ZNF142: variants seen among roughly 807,000 people sequenced by gnomAD.
ZNF142 encodes the protein zinc finger protein 142 (clone pHZ-49).
In ZNF142, 96 loss-of-function variants were observed where a neutral mutation model predicts 132.1. The ratio of observed to expected loss-of-function variants is 0.73; its 90% confidence interval spans 0.62 to 0.86. ZNF142 has a LOEUF of 0.86. ZNF142 is among the 40% of genes least tolerant of loss of function. The pLI is 0.00. For missense variants in ZNF142, 2,163 were observed against 2,336.2 expected, an observed-to-expected ratio of 0.93 and a Z score of 1.53; for synonymous variants, 842 against 890.1, an observed-to-expected ratio of 0.95 and a Z score of 0.96.
At chr2:218,654,629 T>C (rs796189295) in intron 4 of ZNF142, among the ~76,000 whole-genome samples, 115 of 152,216 alleles carry the variant, frequency 7.6e-4, no homozygotes, top group African/African-American at 2.6e-3. Flanking sequence ...CCTCCCAAAG[T>C]GCTAGGATTA....
chr2:218,648,397 C>T lies in ZNF142; in HGVS notation c.1873+238G>A, dbSNP rs75433731. On this transcript the variant is annotated intron_variant, in intron 7 of 10. Coordinates refer to ENST00000411696, the MANE Select transcript of ZNF142 (RefSeq NM_001379659.1). ...ACTGGACAAGGGCTTAAGAGCGAGG[C>T]ACAGCACCACAGTGGTTAGAGCACA... Among the ~76,000 whole-genome samples, 3,570 of 152,324 alleles carry T rather than the reference C, an allele frequency of 0.023. 145 individuals carry two copies. The highest frequency in any genetic ancestry group is 0.079 in the African/African-American group (3,262 of 41,540).
rs1696843168 is a variant in ZNF142, at chr2:218,637,725, G to A, written c.*614C>T. ...GTAGACAAAGGAGCTTGGAAGTAGGGAGCAGGTCAAGGGTCAAGATGGCTC... is the reference window on the plus strand; with the variant it reads ...GTAGACAAAGGAGCTTGGAAGTAGGAAGCAGGTCAAGGGTCAAGATGGCTC... On this transcript the variant is annotated 3_prime_UTR_variant, in exon 11 of 11. Transcript: ENST00000411696. Among the ~76,000 whole-genome samples the A allele has an allele frequency of 6.6e-6, 1 of 152,180 alleles. No homozygotes were observed. The highest frequency in any genetic ancestry group is 6.6e-5 in the Admixed American group (1 of 15,266).
intron 3 of ZNF142, among the ~76,000 whole-genome samples, chr2:218,656,934 C>T (rs1465104388): frequency 2.0e-5 from 3 of 151,724 alleles, no homozygotes; most frequent in African/African-American, 7.3e-5. Context: ...TCTCCTGTCT[C>T]AGCCTCCCCA....
At position 218,633,871 on chromosome 2, in the gene ZNF142, AAGG is replaced by A. The variant is rs1696542166; in HGVS notation, c.*4465_*4467del. The A allele has an allele frequency of 1.4e-6, 2 of 1,385,092 alleles. No homozygotes were observed. Among genetic ancestry groups the A allele is most frequent in the Non-Finnish European group, 2.0e-6 (2 of 1,002,662 alleles). The allele number at this position is 1,385,092 out of a possible 1,614,324, so 85.8% of individuals were successfully genotyped here. On this transcript the variant is annotated 3_prime_UTR_variant, in exon 11 of 11. Transcript: ENST00000411696. ...AAGACAAGGTAGCTAAGGAGAGATG[AAGG>A]AGTTCAGAAACTCCTTAGAGCAGAC...
Position 218,633,467 on chromosome 2 carries a change from C to T in ZNF142, c.*4872G>A, listed in dbSNP as rs1559276950. On this transcript the variant is annotated 3_prime_UTR_variant, in exon 11 of 11. Transcript: ENST00000411696. ...TCCTATTTCCAAGCCTGAGTCCCTTCTCTTGTCCCGGCAGGTGAGGCAGGA... is the reference window on the plus strand; with the variant it reads ...TCCTATTTCCAAGCCTGAGTCCCTTTTCTTGTCCCGGCAGGTGAGGCAGGA... 1.9e-6 allele frequency: 2 copies of T among 1,038,476 alleles called. No homozygotes were observed. Among genetic ancestry groups the T allele is most frequent in the South Asian group, 1.3e-5 (1 of 75,432 alleles). The allele number at this position is 1,038,476 out of a possible 1,614,324, so 64.3% of individuals were successfully genotyped here. A position where few individuals can be genotyped will look rare whatever the true frequency, so the allele number is the denominator to read the frequency against.
chr2:218,648,711 C>G lies in ZNF142; in HGVS notation c.1797G>C (p.Lys599Asn). Reference sequence around the variant, plus strand: ...AGTTGCACTCAGGACACTGGTGGATCTTTTCATGAGCATGCATCTTGCCTA... The same window carrying G: ...AGTTGCACTCAGGACACTGGTGGATGTTTTCATGAGCATGCATCTTGCCTA... ...DHVGKMHAHE[K>N]IHQCPECNFA... The change falls in exon 7 of 11, where the codon AAG becomes AAC. Residue 599 changes from lysine to asparagine, a missense_variant. Physicochemically the swap from Lys to Asn is moderately conservative, Grantham distance 94. Transcript: ENST00000411696. 6.2e-7 allele frequency: 1 copy of G among 1,614,230 alleles called. No homozygotes were observed. The highest frequency in any genetic ancestry group is 8.5e-7 in the Non-Finnish European group (1 of 1,180,048).
At chr2:218,650,329 C>G in intron 6 of ZNF142, 30 bp downstream of exon 6, 1 of 1,613,678 alleles carries the variant, frequency 6.2e-7, no homozygotes, top group Non-Finnish European at 8.5e-7. Flanking sequence ...TCCCCACCAC[C>G]AAGGGCTTCA....
chr2:218,645,095 C>T (rs758977226), intron 8 of ZNF142, 31 bp from the exon 9 acceptor site: 3 of 1,595,590 alleles, frequency 1.9e-6, no homozygotes, highest in South Asian at 2.2e-5. Flanking sequence ...GAGGCAATCA[C>T]AATAATTAAT....
rs1697616032 is a variant in ZNF142, at chr2:218,645,057, A to C, written c.2059T>G (p.Cys687Gly). Residue 687 changes from cysteine to glycine, a missense_variant, in exon 9 of 11, where the codon TGC becomes GGC. Around this residue, in one of 7 missense-constraint regions of ZNF142, gnomAD observed 749 missense variants for 830.3 expected, o/e 0.90. Transcript: ENST00000411696. ...RKHAGDLRYQ[C>G]NQCSYRCHRA... ...TGACAGCGATAGGAGCACTGGTTGCACTGATACCTGGCAAGGAGGGAAAGG... is the reference window on the plus strand; with the variant it reads ...TGACAGCGATAGGAGCACTGGTTGCCCTGATACCTGGCAAGGAGGGAAAGG... 2 of 1,606,384 alleles carry C rather than the reference A, an allele frequency of 1.2e-6. No homozygotes were observed. The highest frequency in any genetic ancestry group is 8.5e-7 in the Non-Finnish European group (1 of 1,173,970).
chr2:218,646,677 C>A (rs994451120), intron 7 of ZNF142, among the ~76,000 whole-genome samples: 1 of 152,120 alleles, frequency 6.6e-6, no homozygotes, highest in Non-Finnish European at 1.5e-5. Context: ...CTCGGCTGCC[C>A]GGGTTCAAGC....
In ZNF142 at chr2:218,643,929, G is replaced by A. The variant is rs776485696; in HGVS notation, c.3187C>T (p.Arg1063Ter). The part of the protein sequence containing the change: ...LHSRTGCQGR[R>*]EPLLCPECGA... ...CACTCGGGGCACAGCAGGGGCTCTC[G>A]GCGGCCTTGGCACCCAGTCCTGGAG... The change falls in exon 9 of 11, where the codon CGA becomes TGA. Residue 1063 changes from arginine to a stop codon, truncating the protein, a stop_gained. Transcript: ENST00000411696. LOFTEE classifies it high-confidence loss of function. 7 of 1,613,980 alleles carry A rather than the reference G, an allele frequency of 4.3e-6. No homozygotes were observed. Among genetic ancestry groups the A allele is most frequent in the Non-Finnish European group, 4.2e-6 (5 of 1,179,984 alleles).
intron 10 of ZNF142, 136 bp downstream of exon 10, chr2:218,640,528 C>T (rs1025854213): frequency 1.3e-5 from 10 of 744,016 alleles, no homozygotes; most frequent in Non-Finnish European, 2.3e-5. Context: ...CTGGCACATA[C>T]AACCCCACCC....
chr2:218,647,131 T>C (rs1697800463), intron 7 of ZNF142, among the ~76,000 whole-genome samples: 1 of 151,740 alleles, frequency 6.6e-6, no homozygotes, highest in Non-Finnish European at 1.5e-5. Flanking sequence ...TGTAAAAAAA[T>C]TCCTCCTCTC....
rs1441083699 is a variant in ZNF142, at chr2:218,642,716, T to A, written c.4400A>T (p.Tyr1467Phe). The change falls in exon 9 of 11, where the codon TAC becomes TTC. Residue 1467 changes from tyrosine to phenylalanine, a missense_variant. By Grantham distance (22) the Tyr-to-Phe change is conservative. Coordinates refer to ENST00000411696, the MANE Select transcript of ZNF142 (RefSeq NM_001379659.1). The surrounding 1 kb of genome is among the most constrained non-coding windows in gnomAD (Gnocchi z 4.6). Reference sequence around the variant, plus strand: ...ATGACGAGTGATGTCATGGCGAAGGTAGCCACTATAGTCACAAAGTGGACA... The same window carrying A: ...ATGACGAGTGATGTCATGGCGAAGGAAGCCACTATAGTCACAAAGTGGACA... ...HFCPLCDYSG[Y>F]LRHDITRHVN... The A allele has an allele frequency of 6.2e-7, 1 of 1,614,092 alleles. No homozygotes were observed. The highest frequency in any genetic ancestry group is 2.2e-5 in the East Asian group (1 of 44,884).
In ZNF142 at chr2:218,644,048, C is replaced by T. The variant is rs751085661; in HGVS notation, c.3068G>A (p.Arg1023Gln). The change falls in exon 9 of 11, where the codon CGG (arginine) becomes CAG (glutamine). Residue 1023 changes from arginine (R) to glutamine (Q), a missense_variant. By Grantham distance (43) the Arg-to-Gln change is conservative. Coordinates refer to ENST00000411696, the MANE Select transcript of ZNF142 (RefSeq NM_001379659.1). The surrounding 1 kb of genome is among the most constrained non-coding windows in gnomAD (Gnocchi z 4.6). ...TCCCTGGATCACTACCATCTGCACC[C>T]GCCCCTCTAGCACCAATGCCTCTGC... Reference protein sequence around the residue: ...EQAEALVLEGRVQMVVIQGEG... With the variant: ...EQAEALVLEGQVQMVVIQGEG... 18 of 1,613,950 alleles carry T rather than the reference C, an allele frequency of 1.1e-5. No homozygotes were observed. The highest frequency in any genetic ancestry group is 1.1e-4 in the African/African-American group (8 of 74,866).
chr2:218,643,832 T>C lies in ZNF142; in HGVS notation c.3284A>G (p.Lys1095Arg), dbSNP rs1305053760. The change falls in exon 9 of 11, where the codon AAG (lysine) becomes AGG (arginine). Residue 1095 changes from lysine (K) to arginine (R), a missense_variant. Around this residue, in one of 7 missense-constraint regions of ZNF142, gnomAD observed 809 missense variants for 801.7 expected, o/e 1.01. Transcript: ENST00000411696. Reference protein sequence around the residue: ...LLKKCPVLLRKNKGLPRPDSP... With the variant: ...LLKKCPVLLRRNKGLPRPDSP... ...ATCTGGTCTGGGCAAGCCCTTGTTC[T>C]TTCTGAGTAGAACAGGGCACTTCTT... 6.2e-7 allele frequency: 1 copy of C among 1,613,568 alleles called. No individual in the cohort carries two copies. The highest frequency in any genetic ancestry group is 8.5e-7 in the Non-Finnish European group (1 of 1,179,774).
rs1397313162 is a variant in ZNF142, at chr2:218,642,475, G to A, written c.4641C>T (p.Thr1547=). ...CPSPASLRGH[T]RKQHPRLECG... is the part of the protein sequence containing the mutation. ...ACTCAAGCCGTGGGTGCTGTTTACGGGTGTGTCCTCGTAAGCTGGCAGGGC... is the reference window on the plus strand; with the variant it reads ...ACTCAAGCCGTGGGTGCTGTTTACGAGTGTGTCCTCGTAAGCTGGCAGGGC... The change falls in exon 9 of 11, where the codon ACC becomes ACT. Residue 1547 remains threonine, a synonymous_variant. Transcript: ENST00000411696. The surrounding 1 kb of genome is among the most constrained non-coding windows in gnomAD (Gnocchi z 4.6). 1 of 1,609,752 alleles carries A rather than the reference G, an allele frequency of 6.2e-7. No homozygotes were observed. Among genetic ancestry groups the A allele is most frequent in the African/African-American group, 1.3e-5 (1 of 74,892 alleles).
At position 218,648,832 on chromosome 2, in the gene ZNF142, C is replaced by A; in HGVS notation, c.1676G>T (p.Arg559Leu). ...DFACSNKHLF[R>L]KHKKQGHPGS... is the part of the protein sequence containing the mutation. ...AGGGTGGCCCTGCTTCTTGTGTTTACGGAATAGGTGCTTATTGGAACAAGC... is the reference window on the plus strand; with the variant it reads ...AGGGTGGCCCTGCTTCTTGTGTTTAAGGAATAGGTGCTTATTGGAACAAGC... Residue 559 changes from arginine to leucine, a missense_variant, in exon 7 of 11, where the codon CGT (arginine) becomes CTT (leucine). This residue lies in a region of ZNF142 where 749 missense variants were observed against 830.3 expected (regional missense o/e 0.90). Coordinates refer to ENST00000411696, the MANE Select transcript of ZNF142 (RefSeq NM_001379659.1). 1 of 1,614,164 alleles carries A rather than the reference C, an allele frequency of 6.2e-7. No individual in the cohort carries two copies. The highest frequency in any genetic ancestry group is 8.5e-7 in the Non-Finnish European group (1 of 1,180,020).
At chr2:218,646,741 C>T (rs535940184) in intron 7 of ZNF142, among the ~76,000 whole-genome samples, 2 of 152,282 alleles carry the variant, frequency 1.3e-5, no homozygotes, top group African/African-American at 4.8e-5. Flanking sequence ...CCCGCCACCA[C>T]GCCCAACTAA....
Sources: gnomAD v4.1 joint callset for allele counts (sites outside exome capture counted in the v4.1 genomes callset) on GRCh38, gnomAD v4.1.1 for gene constraint, gnomAD v4.1.1 regional missense constraint, Gnocchi (gnomAD v3.1) non-coding constraint, MANE v1.5 for transcripts, NCBI Gene and HGNC (gene_info 2026-07-23, HGNC 2026-07-21) for gene names.